ATP10D: variants seen among roughly 807,000 people sequenced by gnomAD.
ATP10D encodes the protein ATPase phospholipid transporting 10D (putative).
In ATP10D, 89 loss-of-function variants were observed where a neutral mutation model predicts 144.8. The ratio of observed to expected loss-of-function variants is 0.61; its 90% CI spans 0.52 to 0.73. The LOEUF (loss-of-function observed/expected upper bound fraction) is 0.73. Ranked by LOEUF, ATP10D falls within the 30% of genes least tolerant of loss-of-function variation. ATP10D has a pLI of 0.00. For synonymous variants in ATP10D, 571 were observed against 615.1 expected (o/e 0.93, Z 1.06); for missense variants, 1,603 against 1,714.8 (o/e 0.93, Z 1.15).
At chr4:47,577,861 G>T (rs1720314266) in intron 19 of ATP10D, among the ~76,000 whole-genome samples, 1 of 152,168 alleles carries the variant, frequency 6.6e-6, no homozygotes, top group Admixed American at 6.5e-5. Flanking sequence ...GTTCAAGCCA[G>T]GATGCAAGAA....
At chr4:47,567,504 T>G (rs1560449790) in intron 15 of ATP10D, among the ~76,000 whole-genome samples, 1 of 152,244 alleles carries the variant, frequency 6.6e-6, no homozygotes, top group Non-Finnish European at 1.5e-5. Flanking sequence ...TATTGTATGG[T>G]ATTGCAGCTG....
chr4:47,492,660 T>C (rs1011228788), intron 1 of ATP10D, among the ~76,000 whole-genome samples: 2 of 152,184 alleles, frequency 1.3e-5, no homozygotes, highest in African/African-American at 4.8e-5. Context: ...CACTGTGAAA[T>C]AATGCTTCTC....
At chr4:47,534,066 T>G (rs897942631) in intron 5 of ATP10D, among the ~76,000 whole-genome samples, 7 of 152,296 alleles carry the variant, frequency 4.6e-5, no homozygotes, top group Non-Finnish European at 1.0e-4. Context: ...AGGTCTACAC[T>G]TTGCATCTGG....
At position 47,576,978 on chromosome 4, in the gene ATP10D, G is replaced by A. The variant is rs537880261; in HGVS notation, c.3567+5G>A. 1 of 1,613,838 alleles carries A rather than the reference G, an allele frequency of 6.2e-7. No individual in the cohort carries two copies. The highest frequency in any genetic ancestry group is 1.1e-5 in the South Asian group (1 of 91,062). Reference sequence around the variant, plus strand: ...AGAAGTGGTCAGAAATCAGAGGTAGGTGTTAAAGCAAGAGTGCTTGGATGG... The same window carrying A: ...AGAAGTGGTCAGAAATCAGAGGTAGATGTTAAAGCAAGAGTGCTTGGATGG... On this transcript the variant is annotated splice_donor_5th_base_variant and intron_variant, in intron 19 of 22. Transcript: ENST00000273859.
intron 3 of ATP10D, among the ~76,000 whole-genome samples, chr4:47,522,549 C>A (rs1716999215): frequency 1.3e-5 from 2 of 152,126 alleles, no homozygotes. Context: ...GTTGCCAATT[C>A]TGCGGCTTCC....
intron 9 of ATP10D, among the ~76,000 whole-genome samples, chr4:47,537,771 C>T (rs1717927931): frequency 6.6e-6 from 1 of 152,100 alleles, no homozygotes; most frequent in African/African-American, 2.4e-5. Flanking sequence ...ACTTAGTTTG[C>T]TATGCTTAAT....
chr4:47,485,335 GC>G lies in ATP10D; in HGVS notation c.-221del, dbSNP rs1484709178. On this transcript the variant is annotated 5_prime_UTR_variant, in exon 1 of 23. Transcript: ENST00000273859. ...GAAGTAGGTTGCGAGCTCAGCACAGGCTCCGGCGCTGGCTCCCGCAGCTGAG... is the reference window on the plus strand; with the variant it reads ...GAAGTAGGTTGCGAGCTCAGCACAGGTCCGGCGCTGGCTCCCGCAGCTGAG... 11 of 152,430 alleles carry G rather than the reference GC, an allele frequency of 7.2e-5. No individual in the cohort carries two copies. The highest frequency in any genetic ancestry group is 2.6e-4 in the African/African-American group (11 of 41,554). The allele number at this position is 152,430 out of a possible 1,614,324, so 9.4% of individuals were successfully genotyped here.
At chr4:47,530,176 G>C (rs1432809006) in intron 5 of ATP10D, among the ~76,000 whole-genome samples, 3 of 152,044 alleles carry the variant, frequency 2.0e-5, no homozygotes, top group Non-Finnish European at 2.9e-5. Context: ...GGGACTCCAA[G>C]TACTATGTTG....
At chr4:47,535,305 A>T (rs1169198466) in intron 5 of ATP10D, among the ~76,000 whole-genome samples, 1 of 136,332 alleles carries the variant, frequency 7.3e-6, no homozygotes, top group Non-Finnish European at 1.6e-5. Context: ...GTACCACCTG[A>T]ACCTAAAAGT....
chr4:47,521,879 G>A (rs1716961290), intron 3 of ATP10D, among the ~76,000 whole-genome samples: 1 of 152,136 alleles, frequency 6.6e-6, no homozygotes, highest in Non-Finnish European at 1.5e-5. Flanking sequence ...TTTCAACCTT[G>A]TGCATTTGGT....
At chr4:47,528,457 T>C (rs1225698145) in intron 5 of ATP10D, among the ~76,000 whole-genome samples, 1 of 127,638 alleles carries the variant, frequency 7.8e-6, no homozygotes, top group East Asian at 2.5e-4. Flanking sequence ...TAGTAGTCCA[T>C]GGTGTGTGTG....
chr4:47,522,286 C>G (rs1038616854), intron 3 of ATP10D, among the ~76,000 whole-genome samples: 1 of 152,218 alleles, frequency 6.6e-6, no homozygotes, highest in African/African-American at 2.4e-5. Flanking sequence ...CCCATCCTAT[C>G]TGCCTGATGG....
intron 10 of ATP10D, among the ~76,000 whole-genome samples, chr4:47,553,074 AAGAGCATAATCATAGGCCTTGGT>A (rs1347335698): frequency 1.3e-5 from 2 of 152,228 alleles, no homozygotes; most frequent in Non-Finnish European, 2.9e-5. Context: ...AGCACTAGAC[AAGAGCATAATCATAGGCCTTGGT>A]AAAATACCAT....
chr4:47,534,782 A>AT (rs1049156449), intron 5 of ATP10D, among the ~76,000 whole-genome samples: 2 of 152,048 alleles, frequency 1.3e-5, no homozygotes, highest in Non-Finnish European at 2.9e-5. Context: ...TGCTTGGAAT[A>AT]TTTTTTTATA....
intron 1 of ATP10D, among the ~76,000 whole-genome samples, chr4:47,490,774 G>A (rs1229234500): frequency 6.6e-6 from 1 of 152,198 alleles, no homozygotes; most frequent in Non-Finnish European, 1.5e-5. Context: ...TGTCACAGAT[G>A]TGTGCTCAGA....
chr4:47,557,835 A>G lies in ATP10D; in HGVS notation c.1996A>G (p.Met666Val), dbSNP rs1349287195. 1.2e-6 allele frequency: 2 copies of G among 1,614,110 alleles called. No individual in the cohort carries two copies. Among genetic ancestry groups the G allele is most frequent in the Non-Finnish European group, 1.7e-6 (2 of 1,180,046 alleles). The change falls in exon 12 of 23, where the codon ATG (methionine) becomes GTG (valine). Residue 666 changes from methionine (M) to valine (V), a missense_variant. Physicochemically the swap from Met to Val is conservative, Grantham distance 21 (BLOSUM62 1). Coordinates refer to ENST00000273859, the MANE Select transcript of ATP10D (RefSeq NM_020453.4). ...FVSRLPLFSRMKPASPVEEEV... is the reference protein window; with the variant it reads ...FVSRLPLFSRVKPASPVEEEV... Reference sequence around the variant, plus strand: ...GAGCAGACTCCCTCTCTTTAGTCGAATGAAACCAGCTTCACCTGTGGAGGA... The same window carrying G: ...GAGCAGACTCCCTCTCTTTAGTCGAGTGAAACCAGCTTCACCTGTGGAGGA...
chr4:47,536,120 T>C, intron 7 of ATP10D, 87 bp downstream of exon 7: 1 of 1,469,416 alleles, frequency 6.8e-7, no homozygotes, highest in South Asian at 1.3e-5. Flanking sequence ...AATATTTGAC[T>C]TTGGTAAGGT....
At chr4:47,579,597 A>G (rs1720409835) in intron 19 of ATP10D, among the ~76,000 whole-genome samples, 1 of 152,230 alleles carries the variant, frequency 6.6e-6, no homozygotes, top group Non-Finnish European at 1.5e-5. Flanking sequence ...CAGAGAGACT[A>G]GCACAGGTGA....
At position 47,576,748 on chromosome 4, in the gene ATP10D, T is replaced by C. The variant is rs369351963; in HGVS notation, c.3367-25T>C. On this transcript the variant is annotated intron_variant, in intron 18 of 22. Coordinates refer to ENST00000273859, the MANE Select transcript of ATP10D (RefSeq NM_020453.4). ...AGCACACATTACTGATTCTAAGATCTGAATGTCCTTCTTTGTGTCTCTAGG... is the reference window on the plus strand; with the variant it reads ...AGCACACATTACTGATTCTAAGATCCGAATGTCCTTCTTTGTGTCTCTAGG... 6.9e-6 allele frequency: 11 copies of C among 1,599,946 alleles called. No individual in the cohort carries two copies. The African/African-American group carries it at 8.0e-5, about 12-fold the overall frequency.
Sources: gnomAD v4.1 joint callset for allele counts (sites outside exome capture counted in the v4.1 genomes callset) on GRCh38, gnomAD v4.1.1 for gene constraint, MANE v1.5 for transcripts, NCBI Gene and HGNC (gene_info 2026-07-23, HGNC 2026-07-21) for gene names.